The following TENM3 variants were observed in gnomAD, a reference collection of about 807,000 sequenced individuals.
TENM3 encodes teneurin transmembrane protein 3, also known as teneurin-3.
TENM3 carries 63 observed loss-of-function variants against 255.1 expected under a neutral mutation model. The observed-to-expected ratio is 0.25, with a 90% CI of 0.20 to 0.30. The LOEUF is 0.30. Ranked by LOEUF, TENM3 falls within the 10% of genes least tolerant of loss-of-function variation. The pLI is 1.00. For synonymous variants in TENM3, 1,306 were observed against 1,322.3 expected (o/e 0.99, Z 0.27); for missense variants, 2,929 against 3,461.1 (o/e 0.85, Z 3.86).
At chr4:181,676,989 C>CTTTTTTTTTTTTTTTTTTTTTTTTT in the TENM3 span, among the ~76,000 whole-genome samples, 1 of 137,698 alleles carries the variant, frequency 7.3e-6, no homozygotes, top group Non-Finnish European at 1.5e-5. Context: ...CCGATTTTAT[C>CTTTTTTTTTTTTTTTTTTTTTTTTT]TTTTTTTTTT....
the TENM3 span, among the ~76,000 whole-genome samples, chr4:181,762,540 C>T: frequency 1.3e-5 from 2 of 152,102 alleles, no homozygotes; most frequent in African/African-American, 4.8e-5. Flanking sequence ...TTTAGGCAAG[C>T]AGGTCAACTT....
At chr4:181,917,221 G>A in the TENM3 span, among the ~76,000 whole-genome samples, 1 of 152,116 alleles carries the variant, frequency 6.6e-6, no homozygotes, top group African/African-American at 2.4e-5. Flanking sequence ...GAACCTAAAG[G>A]GTAAACTGCA....
At chr4:182,283,165 C>T (rs573190430) in intron 1 of TENM3, among the ~76,000 whole-genome samples, 5 of 152,122 alleles carry the variant, frequency 3.3e-5, no homozygotes, top group African/African-American at 1.2e-4. Flanking sequence ...GCTCCTTTTT[C>T]CTTTTAAACG....
rs568361419 is a variant in TENM3 at position 182,455,553 on chromosome 4, C to CTT, written c.511+108649_511+108650dup. Among the ~76,000 whole-genome samples the CTT allele has an allele frequency of 9.6e-4, 70 of 73,164 alleles. 3 individuals are homozygous for CTT. The highest frequency in any genetic ancestry group is 1.6e-3 in the African/African-American group (31 of 19,064). The allele number at this position is 73,164 out of a possible 152,430, so 48.0% of individuals were successfully genotyped here. A position where few individuals can be genotyped will look rare whatever the true frequency, so the allele number is the denominator to read the frequency against. On this transcript the variant is annotated intron_variant, in intron 3 of 27. Transcript: ENST00000511685. ...CCAAGAGCTGACTTGCATGGTATTTCTTTTTTTTTTTTTTTTTTTTTTTTT... is the reference window on the plus strand; with the variant it reads ...CCAAGAGCTGACTTGCATGGTATTTCTTTTTTTTTTTTTTTTTTTTTTTTTTT...
intron 3 of TENM3, among the ~76,000 whole-genome samples, chr4:182,569,124 G>A (rs913750573): frequency 6.6e-6 from 1 of 152,146 alleles, no homozygotes; most frequent in African/African-American, 2.4e-5. Flanking sequence ...TCTTGAGATC[G>A]GTGTACTGTA....
chr4:181,844,530 T>A, the TENM3 span, among the ~76,000 whole-genome samples: 1 of 150,460 alleles, frequency 6.6e-6, no homozygotes, highest in Non-Finnish European at 1.5e-5. Flanking sequence ...TAGCCGGGAG[T>A]GGTGGCGGGC....
the TENM3 span, among the ~76,000 whole-genome samples, chr4:181,583,732 A>G: frequency 2.0e-5 from 3 of 152,240 alleles, no homozygotes; most frequent in Non-Finnish European, 4.4e-5. Context: ...AAGTTTGGTC[A>G]TACTATGTTA....
chr4:181,827,442 C>T, the TENM3 span, among the ~76,000 whole-genome samples: 1 of 152,132 alleles, frequency 6.6e-6, no homozygotes, highest in Non-Finnish European at 1.5e-5. Context: ...CGTGTACCAC[C>T]GGAGGAGCCT....
chr4:182,365,853 A>G (rs995796206), intron 3 of TENM3, among the ~76,000 whole-genome samples: 2 of 152,296 alleles, frequency 1.3e-5, no homozygotes, highest in African/African-American at 2.4e-5. Context: ...TCTAGGCTAC[A>G]TGGTATAGCC....
At chr4:182,396,139 G>A (rs1768789445) in intron 3 of TENM3, among the ~76,000 whole-genome samples, 1 of 152,100 alleles carries the variant, frequency 6.6e-6, no homozygotes, top group African/African-American at 2.4e-5. Flanking sequence ...TTGTTACCTG[G>A]GTGCATTGTG....
chr4:182,203,586 G>A (rs977000591), intron 1 of TENM3, among the ~76,000 whole-genome samples: 12 of 152,184 alleles, frequency 7.9e-5, no homozygotes, highest in African/African-American at 2.4e-4. Context: ...TTGAGTTGGA[G>A]CAGCGGTTGC....
intron 4 of TENM3, among the ~76,000 whole-genome samples, chr4:182,611,353 T>C (rs1189672372): frequency 3.3e-5 from 5 of 151,662 alleles, no homozygotes; most frequent in Admixed American, 6.6e-5. Context: ...AATTTTATTT[T>C]ATTTCTACTT....
At chr4:181,865,695 T>C in the TENM3 span, among the ~76,000 whole-genome samples, 1 of 152,232 alleles carries the variant, frequency 6.6e-6, no homozygotes, top group African/African-American at 2.4e-5. Flanking sequence ...CCACTCTGTC[T>C]ATTTTCATCA....
chr4:182,796,688 C>T lies in TENM3; in HGVS notation c.7265C>T (p.Pro2422Leu). The T allele has an allele frequency of 1.2e-6, 2 of 1,613,094 alleles. No homozygotes were observed. The highest frequency in any genetic ancestry group is 1.7e-6 in the Non-Finnish European group (2 of 1,179,420). Reference sequence around the variant, plus strand: ...GGTTTCCATCTGCACAATGCTATTCCTGGATTCCCTGTTCCCAAATTTGAT... The same window carrying T: ...GGTTTCCATCTGCACAATGCTATTCTTGGATTCCCTGTTCCCAAATTTGAT... ...TFGFHLHNAI[P>L]GFPVPKFDLT... Residue 2422 changes from proline (P) to leucine (L), a missense_variant, in exon 27 of 28, where the codon CCT (proline) becomes CTT (leucine). By Grantham distance (98) the Pro-to-Leu change is moderately conservative (BLOSUM62 -3). Coordinates refer to ENST00000511685, the MANE Select transcript of TENM3 (RefSeq NM_001080477.4).
At chr4:182,725,613 T>A (rs2309786) in intron 13 of TENM3, among the ~76,000 whole-genome samples, 146,975 of 147,804 alleles carry the variant, frequency 0.99, 73,077 homozygotes, top group Middle Eastern at 1. Context: ...CTCAGTTTCA[T>A]TTGATTTTCT....
chr4:181,472,427 A>G, the TENM3 span, among the ~76,000 whole-genome samples: 2 of 152,112 alleles, frequency 1.3e-5, no homozygotes, highest in African/African-American at 4.8e-5. Context: ...TTACTTCAAT[A>G]TAGAACAGCA....
chr4:182,762,052 C>T (rs1189607481), intron 22 of TENM3, among the ~76,000 whole-genome samples: 2 of 152,030 alleles, frequency 1.3e-5, no homozygotes, highest in Non-Finnish European at 2.9e-5. Flanking sequence ...TAGTTCTGCC[C>T]AGGTTTCAAA....
chr4:182,036,025 C>T, the TENM3 span, among the ~76,000 whole-genome samples: 1 of 152,132 alleles, frequency 6.6e-6, no homozygotes, highest in East Asian at 1.9e-4. Flanking sequence ...GAAGATTCTC[C>T]ATCCCAGCAT....
intron 2 of TENM3, among the ~76,000 whole-genome samples, chr4:182,342,033 T>C (rs1764517431): frequency 6.6e-6 from 1 of 152,164 alleles, no homozygotes; most frequent in Non-Finnish European, 1.5e-5. Flanking sequence ...CATACACTGC[T>C]AGTGGGAATA....
Sources: gnomAD v4.1 joint callset for allele counts (sites outside exome capture counted in the v4.1 genomes callset) on GRCh38, gnomAD v4.1.1 for gene constraint, MANE v1.5 for transcripts, NCBI Gene and HGNC (gene_info 2026-07-23, HGNC 2026-07-21) for gene names.